Variants in NEGR1 observed in about 807,000 individuals in gnomAD.
The protein encoded by NEGR1 is IgLON family member 4.
Under a neutral mutation model 40.9 loss-of-function variants are expected in NEGR1, and 10 were observed. The ratio of observed to expected loss-of-function variants is 0.24; its 90% confidence interval spans 0.15 to 0.42. The LOEUF (loss-of-function observed/expected upper bound fraction) is 0.42, where lower values mean the gene tolerates loss of function less well. NEGR1 is among the 10% of genes least tolerant of loss of function. The pLI, the probability that NEGR1 is intolerant of heterozygous loss-of-function variation, is 1.00. For synonymous variants in NEGR1, 185 were observed against 166.8 expected (o/e 1.11, Z -0.84); for missense variants, 352 against 438.9 (o/e 0.80, Z 1.77).
chr1:71,591,124 G>T (rs1649483727), intron 6 of NEGR1, among the ~76,000 whole-genome samples: 2 of 151,916 alleles, frequency 1.3e-5, no homozygotes, highest in Non-Finnish European at 2.9e-5. Flanking sequence ...AAACTCCCAG[G>T]GCTATGTTCA....
intron 4 of NEGR1, among the ~76,000 whole-genome samples, chr1:71,651,909 C>T (rs1451564822): frequency 6.6e-6 from 1 of 152,058 alleles, no homozygotes; most frequent in Non-Finnish European, 1.5e-5. Context: ...ATTTATGTTA[C>T]CCAACAAGTG....
At chr1:71,852,775 A>C in intron 2 of NEGR1, among the ~76,000 whole-genome samples, 1 of 151,692 alleles carries the variant, frequency 6.6e-6, no homozygotes, top group East Asian at 1.9e-4. Flanking sequence ...TTTGAAGTTA[A>C]TGCAGAAATG....
At chr1:72,181,059 T>C (rs1162781331) in intron 1 of NEGR1, among the ~76,000 whole-genome samples, 1 of 152,050 alleles carries the variant, frequency 6.6e-6, no homozygotes, top group Non-Finnish European at 1.5e-5. Context: ...AAGCAATAAA[T>C]GAAGAGGAGG....
At chr1:71,877,808 T>A (rs529605570) in intron 2 of NEGR1, among the ~76,000 whole-genome samples, 94 of 152,194 alleles carry the variant, frequency 6.2e-4, no homozygotes, top group Non-Finnish European at 1.0e-3. Context: ...ACTGCAGCTG[T>A]CCATATCTCA....
intron 2 of NEGR1, among the ~76,000 whole-genome samples, chr1:71,860,178 C>A (rs1242623431): frequency 6.8e-6 from 1 of 147,790 alleles, no homozygotes; most frequent in East Asian, 2.0e-4. Flanking sequence ...TGGTAGAGGG[C>A]AGTCAAAATT....
At chr1:72,136,960 G>T (rs1219745208) in intron 1 of NEGR1, among the ~76,000 whole-genome samples, 5 of 152,128 alleles carry the variant, frequency 3.3e-5, no homozygotes, top group Non-Finnish European at 7.3e-5. Context: ...CTTCTCAGAA[G>T]AAGACATTTA....
chr1:71,917,188 T>C (rs1661608763), intron 2 of NEGR1, among the ~76,000 whole-genome samples: 1 of 152,198 alleles, frequency 6.6e-6, no homozygotes, highest in Admixed American at 6.5e-5. Flanking sequence ...AATATTGCAC[T>C]GGGATAAGGA....
intron 4 of NEGR1, among the ~76,000 whole-genome samples, chr1:71,678,147 CA>C (rs1478892418): frequency 5.3e-5 from 8 of 151,962 alleles, no homozygotes; most frequent in African/African-American, 1.9e-4. Context: ...TGTATGTAAA[CA>C]AATTACAAAA....
chr1:71,426,094 C>T (rs1646426704), intron 6 of NEGR1, among the ~76,000 whole-genome samples: 1 of 152,154 alleles, frequency 6.6e-6, no homozygotes, highest in African/African-American at 2.4e-5. Flanking sequence ...TGAGTAATGC[C>T]TTAGCTCATC....
intron 1 of NEGR1, among the ~76,000 whole-genome samples, chr1:72,199,178 G>A (rs1418226523): frequency 6.7e-6 from 1 of 150,264 alleles, no homozygotes; most frequent in African/African-American, 2.5e-5. Context: ...GAGAGAGAGA[G>A]AGAGAGACTA....
chr1:71,897,184 C>G (rs187136280), intron 2 of NEGR1, among the ~76,000 whole-genome samples: 2 of 151,608 alleles, frequency 1.3e-5, no homozygotes, highest in South Asian at 2.1e-4. Flanking sequence ...TACTATAACT[C>G]GAAGTATTAT....
chr1:72,274,652 G>A (rs1655975490), intron 1 of NEGR1: 1 of 866,646 alleles, frequency 1.2e-6, no homozygotes, highest in Middle Eastern at 3.1e-4. Context: ...GCAAGGCTAA[G>A]TGCTATTTAT....
intron 2 of NEGR1, among the ~76,000 whole-genome samples, chr1:71,890,212 T>C (rs1294415120): frequency 1.2e-5 from 1 of 85,346 alleles, no homozygotes; most frequent in Non-Finnish European, 2.1e-5. Context: ...AATTCACACA[T>C]AACAATATTA....
intron 4 of NEGR1, among the ~76,000 whole-genome samples, chr1:71,637,541 C>G (rs1439841008): frequency 1.3e-5 from 2 of 151,722 alleles, no homozygotes; most frequent in East Asian, 3.9e-4. Context: ...AGAATAAAGT[C>G]TAAATGTTCA....
chr1:72,238,270 A>G (rs1171333485), intron 1 of NEGR1, among the ~76,000 whole-genome samples: 1 of 151,904 alleles, frequency 6.6e-6, no homozygotes, highest in Non-Finnish European at 1.5e-5. Flanking sequence ...GAAGAATCTC[A>G]GTTTCTAGAA....
chr1:71,790,218 C>T (rs916016743), intron 2 of NEGR1, among the ~76,000 whole-genome samples: 25 of 152,212 alleles, frequency 1.6e-4, no homozygotes, highest in African/African-American at 6.0e-4. Context: ...CCTAACTGGT[C>T]ATGCCACTAC....
At position 71,744,284 on chromosome 1, in the gene NEGR1, C is replaced by CATAT. The variant is rs147978120; in HGVS notation, c.535+31884_535+31887dup. Among the ~76,000 whole-genome samples, 82 of 137,160 alleles carry CATAT rather than the reference C, an allele frequency of 6.0e-4. 2 individuals are homozygous for CATAT. Among genetic ancestry groups the CATAT allele is most frequent in the Admixed American group, 1.8e-3 (24 of 13,494 alleles). 90.0% of individuals were successfully genotyped at this position (137,160 alleles called of 152,430 possible). Reference sequence around the variant, plus strand: ...ATAATAATATGTTTATGACAAATAACATATATATATATATATATAAAGTGC... The same window carrying CATAT: ...ATAATAATATGTTTATGACAAATAACATATATATATATATATATATATAAAGTGC... On this transcript the variant is annotated intron_variant, in intron 3 of 6. Transcript: ENST00000357731.
intron 6 of NEGR1, among the ~76,000 whole-genome samples, chr1:71,480,805 T>A (rs1238229289): frequency 6.6e-6 from 1 of 151,914 alleles, no homozygotes; most frequent in Admixed American, 6.6e-5. Context: ...CTTACATACC[T>A]AATCTTTAAT....
At chr1:72,263,819 G>T (rs1655547917) in intron 1 of NEGR1, among the ~76,000 whole-genome samples, 1 of 151,414 alleles carries the variant, frequency 6.6e-6, no homozygotes, top group Non-Finnish European at 1.5e-5. Flanking sequence ...AATTAAAAAT[G>T]ACAATGAAAA....
Sources: allele counts gnomAD v4.1 joint callset (sites outside exome capture counted in the v4.1 genomes callset), GRCh38; gene constraint gnomAD v4.1.1; transcripts MANE v1.5; gene names NCBI Gene and HGNC (gene_info 2026-07-23, HGNC 2026-07-21).